Variants in ANKRD26 observed in about 807,000 individuals in gnomAD.
ANKRD26 encodes the protein ankyrin repeat domain 26.
A neutral mutation model predicts 208.7 loss-of-function variants in ANKRD26; 141 were observed. That is an observed-to-expected ratio of 0.68 (90% CI 0.59 to 0.78). The LOEUF (loss-of-function observed/expected upper bound fraction) is 0.78, where lower values mean the gene tolerates loss of function less well. ANKRD26 is among the 30% of genes least tolerant of loss of function. The probability of loss-of-function intolerance (pLI) is 0.00; values close to 1 mark genes in which losing one functional copy is unlikely to be tolerated. For missense variants in ANKRD26, 1,889 were observed against 1,938.7 expected, an observed-to-expected ratio of 0.97 and a Z score of 0.48; for synonymous variants, 636 against 660.4, an observed-to-expected ratio of 0.96 and a Z score of 0.57.
At chr10:27,019,899 C>T (rs191351621) in intron 29 of ANKRD26, among the ~76,000 whole-genome samples, 47 of 152,320 alleles carry the variant, frequency 3.1e-4, no homozygotes, top group African/African-American at 1.0e-3. Flanking sequence ...GGGAAAATCT[C>T]GGCCAGGACA....
chr10:27,091,870 C>G (rs1000536996), intron 4 of ANKRD26, among the ~76,000 whole-genome samples: 20 of 151,860 alleles, frequency 1.3e-4, no homozygotes, highest in African/African-American at 4.8e-4. Context: ...ACCAGTAATC[C>G]CAGCTACTCA....
At chr10:27,046,704 A>C (rs1342936131) in intron 17 of ANKRD26, among the ~76,000 whole-genome samples, 181 bp from the exon 18 acceptor site, 1 of 152,194 alleles carries the variant, frequency 6.6e-6, no homozygotes, top group Admixed American at 6.5e-5. Flanking sequence ...CCCCCATCTC[A>C]ATTCATTCAC....
intron 24 of ANKRD26, among the ~76,000 whole-genome samples, chr10:27,033,785 T>C (rs1268758037): frequency 6.6e-6 from 1 of 152,222 alleles, no homozygotes; most frequent in African/African-American, 2.4e-5. Flanking sequence ...AGATACTTAA[T>C]TGCTTGCTCA....
At chr10:27,029,190 A>T in intron 26 of ANKRD26, 96 bp downstream of exon 26, 7 of 1,395,848 alleles carry the variant, frequency 5.0e-6, no homozygotes, top group Non-Finnish European at 6.9e-6. Flanking sequence ...CTTCACACAG[A>T]TGTACTTATG....
chr10:27,005,466 A>T lies in ANKRD26; in HGVS notation c.*124T>A. ...CAAGTAACATTGTTTAAAATACTAT[A>T]TAAATTTTGATCTGACATATATGAT... On this transcript the variant is annotated 3_prime_UTR_variant, in exon 34 of 34. Transcript: ENST00000376087. The T allele has an allele frequency of 2.0e-6, 3 of 1,466,150 alleles. No homozygotes were observed. Among genetic ancestry groups the T allele is most frequent in the Non-Finnish European group, 2.7e-6 (3 of 1,114,114 alleles). 90.8% of individuals were successfully genotyped at this position (1,466,150 alleles called of 1,614,324 possible). A position where few individuals can be genotyped will look rare whatever the true frequency, so the allele number is the denominator to read the frequency against.
intron 9 of ANKRD26, among the ~76,000 whole-genome samples, chr10:27,074,195 T>C (rs1375004096): frequency 6.6e-6 from 1 of 151,998 alleles, no homozygotes; most frequent in Non-Finnish European, 1.5e-5. Context: ...ATCTTTGAAA[T>C]ACCAGATAAA....
In ANKRD26 at chr10:27,077,603, A is replaced by G. The variant is rs1173983775; in HGVS notation, c.874+30T>C. The G allele has an allele frequency of 2.5e-6, 4 of 1,612,584 alleles. No homozygotes were observed. In the South Asian group the frequency reaches 3.3e-5, roughly 13 times the overall value. On this transcript the variant is annotated intron_variant, in intron 8 of 33. Coordinates refer to ENST00000376087, the MANE Select transcript of ANKRD26 (RefSeq NM_014915.3). Reference sequence around the variant, plus strand: ...ATGTAATTAAGAATCAGTGAATAACACAAGAATAAGCAGTTTTCAAACAGC... The same window carrying G: ...ATGTAATTAAGAATCAGTGAATAACGCAAGAATAAGCAGTTTTCAAACAGC...
chr10:27,017,478 A>C, intron 30 of ANKRD26, 24 bp downstream of exon 30: 1 of 1,611,842 alleles, frequency 6.2e-7, no homozygotes, highest in Non-Finnish European at 8.5e-7. Context: ...GAAATGAACA[A>C]AGGCACACTA....
At chr10:27,057,089 CA>C (rs1285733549) in intron 15 of ANKRD26, among the ~76,000 whole-genome samples, 4 of 152,170 alleles carry the variant, frequency 2.6e-5, no homozygotes, top group Non-Finnish European at 5.9e-5. Context: ...TACTGAGGGT[CA>C]AACTAGTAGA....
At chr10:26,964,035 C>A in the ANKRD26 span, among the ~76,000 whole-genome samples, 7 of 149,994 alleles carry the variant, frequency 4.7e-5, no homozygotes, top group African/African-American at 1.7e-4. Context: ...CCTCAGCCTC[C>A]CAAGTGTAGC....
intron 21 of ANKRD26, among the ~76,000 whole-genome samples, chr10:27,039,098 A>G (rs1229674169): frequency 6.6e-6 from 1 of 152,226 alleles, no homozygotes; most frequent in Non-Finnish European, 1.5e-5. Context: ...TTAGAGAGAG[A>G]TCACTTTCAG....
chr10:27,066,404 A>C, intron 11 of ANKRD26, 83 bp downstream of exon 11: 2 of 1,094,168 alleles, frequency 1.8e-6, no homozygotes, highest in Non-Finnish European at 2.7e-6. Context: ...AGAGGTAAAA[A>C]AGTCAAGTCA....
At chr10:27,094,732 C>T (rs1459643001) in intron 1 of ANKRD26, among the ~76,000 whole-genome samples, 6 of 152,202 alleles carry the variant, frequency 3.9e-5, no homozygotes, top group South Asian at 2.1e-4. Flanking sequence ...CCAGGCATGG[C>T]GGCTCATGCC....
chr10:27,053,061 C>T (rs1424923208), intron 16 of ANKRD26, among the ~76,000 whole-genome samples: 1 of 151,890 alleles, frequency 6.6e-6, no homozygotes, highest in African/African-American at 2.4e-5. Context: ...GGAAACAATA[C>T]TCAGGAAATT....
At chr10:27,052,073 A>T (rs868371299) in intron 16 of ANKRD26, 1 of 985,262 alleles carries the variant, frequency 1.0e-6, no homozygotes, top group Non-Finnish European at 1.2e-6. Context: ...ATGAAAGTGG[A>T]CGATTAATTT....
Position 27,011,116 on chromosome 10 carries a change from C to T in ANKRD26, c.4953+1766G>A, listed in dbSNP as rs183459832. Among the ~76,000 whole-genome samples the T allele has an allele frequency of 7.2e-5, 11 of 152,274 alleles. No individual in the cohort carries two copies. The East Asian group carries it at 1.9e-3, about 27-fold the overall frequency. On this transcript the variant is annotated intron_variant, in intron 32 of 33. Coordinates refer to ENST00000376087, the MANE Select transcript of ANKRD26 (RefSeq NM_014915.3). ...AGGTCTCATTTAACATGAGTCTACA[C>T]TTTTTTTCTCTGCATTAAGATCATG...
At chr10:27,000,356 T>C (rs1408919809), downstream of ANKRD26, among the ~76,000 whole-genome samples, 2 of 152,210 alleles carry the variant, frequency 1.3e-5, no homozygotes, top group African/African-American at 4.8e-5. Context: ...TTGTTTCCCC[T>C]TTGCAATTTC....
downstream of ANKRD26, among the ~76,000 whole-genome samples, chr10:26,988,570 A>C (rs1038780206): frequency 6.6e-6 from 1 of 152,128 alleles, no homozygotes; most frequent in Non-Finnish European, 1.5e-5. Context: ...TATCATGTAG[A>C]TTGCCATTCT....
intron 4 of ANKRD26, among the ~76,000 whole-genome samples, chr10:27,086,875 G>A (rs939527122): frequency 6.9e-6 from 1 of 145,902 alleles, no homozygotes; most frequent in African/African-American, 2.5e-5. Flanking sequence ...GGGTTCAAGT[G>A]ATTCTCCTGC....
Sources: gnomAD v4.1 joint callset for allele counts (sites outside exome capture counted in the v4.1 genomes callset) on GRCh38, gnomAD v4.1.1 for gene constraint, MANE v1.5 for transcripts, NCBI Gene and HGNC (gene_info 2026-07-23, HGNC 2026-07-21) for gene names.